PRDM11: variants seen among roughly 807,000 people sequenced by gnomAD.
The protein encoded by PRDM11 is PR/SET domain 11, also known as PR domain-containing protein 11.
Under a neutral mutation model 97.8 loss-of-function variants are expected in PRDM11, and 20 were observed. The observed-to-expected ratio is 0.20, with a 90% confidence interval of 0.14 to 0.30. PRDM11 has a LOEUF of 0.30. PRDM11 is among the 10% of genes least tolerant of loss of function. The pLI is 1.00. For missense variants in PRDM11, 1,139 were observed against 1,555.2 expected, an observed-to-expected ratio of 0.73 and a Z score of 4.50; for synonymous variants, 599 against 637.7, an observed-to-expected ratio of 0.94 and a Z score of 0.91.
chr11:45,124,921 C>T (rs1232331706), intron 1 of PRDM11, among the ~76,000 whole-genome samples: 5 of 152,096 alleles, frequency 3.3e-5, no homozygotes, highest in African/African-American at 9.7e-5. Context: ...ATGGTACCAG[C>T]TCCTCCTTGT....
intron 1 of PRDM11, among the ~76,000 whole-genome samples, chr11:45,126,522 G>C (rs1027848743): frequency 2.0e-5 from 3 of 151,996 alleles, no homozygotes; most frequent in Admixed American, 2.0e-4. Context: ...GCTCTTTTAC[G>C]GCAGGCCTGG....
intron 1 of PRDM11, among the ~76,000 whole-genome samples, chr11:45,162,085 T>C (rs1353721546): frequency 6.6e-6 from 1 of 152,086 alleles, no homozygotes; most frequent in Non-Finnish European, 1.5e-5. Context: ...AGCACAGAGG[T>C]TTGGGATTAT....
chr11:45,194,181 A>G (rs1853017181), intron 4 of PRDM11, among the ~76,000 whole-genome samples: 1 of 152,218 alleles, frequency 6.6e-6, no homozygotes. Flanking sequence ...CACCTCAGCC[A>G]TAAATGCAGT....
chr11:45,094,367 C>A (rs1851855411), upstream of PRDM11, among the ~76,000 whole-genome samples: 1 of 151,842 alleles, frequency 6.6e-6, no homozygotes, highest in Non-Finnish European at 1.5e-5. Context: ...ACCCAGGCTG[C>A]CCCTGAATGT....
At chr11:45,195,136 C>T (rs753474785) in intron 4 of PRDM11, among the ~76,000 whole-genome samples, 2 of 151,944 alleles carry the variant, frequency 1.3e-5, no homozygotes, top group African/African-American at 4.8e-5. Flanking sequence ...ATATGTAGGA[C>T]GTAAGATCGT....
At chr11:45,142,316 ACTTCATAGAACAAGC>A (rs1211036041), upstream of PRDM11, among the ~76,000 whole-genome samples, 1 of 152,080 alleles carries the variant, frequency 6.6e-6, no homozygotes, top group Non-Finnish European at 1.5e-5. Flanking sequence ...GCCTTCTGCC[ACTTCATAGAACAAGC>A]CAATTCCATC....
intron 4 of PRDM11, among the ~76,000 whole-genome samples, chr11:45,184,267 T>A (rs1852622367): frequency 6.6e-6 from 1 of 152,232 alleles, no homozygotes; most frequent in African/African-American, 2.4e-5. Flanking sequence ...CTTGATTTTG[T>A]AGGGCCCAGT....
rs1406967429 is a variant in PRDM11 at position 45,226,230 on chromosome 11, C to T, written c.1605C>T (p.Tyr535=). ...NEMWCHVCRQ[Y]TVQSSRTSAF... Reference sequence around the variant, plus strand: ...TGTGGTGCCACGTCTGCCGCCAGTACACGGTGCAGTCCTCACGCACCTCGG... The same window carrying T: ...TGTGGTGCCACGTCTGCCGCCAGTATACGGTGCAGTCCTCACGCACCTCGG... Residue 535 remains tyrosine, a synonymous_variant, in exon 8 of 8, where the codon TAC becomes TAT. Coordinates refer to ENST00000683152, the MANE Select transcript of PRDM11 (RefSeq NM_001384648.1). 1.5e-5 allele frequency: 23 copies of T among 1,533,902 alleles called. No individual in the cohort carries two copies. The highest frequency in any genetic ancestry group is 2.7e-5 in the African/African-American group (2 of 72,998).
rs372181707 is a variant in PRDM11 at position 45,158,471 on chromosome 11, G to A, written c.-7+11594G>A. The stretch of plus-strand genomic sequence containing the variant: ...CCAGCTGCCTGGGGTCCTACAGAAC[G>A]GGGCTGGGCAGGCATTCTTCTCTGT... On this transcript the variant is annotated intron_variant, in intron 1 of 7. Transcript: ENST00000683152. 5.9e-5 allele frequency among the ~76,000 whole-genome samples: 9 copies of A among 152,346 alleles called. No individual in the cohort carries two copies. The East Asian group carries it at 7.7e-4, about 13-fold the overall frequency.
intron 1 of PRDM11, among the ~76,000 whole-genome samples, chr11:45,166,372 C>T (rs527622806): frequency 6.6e-5 from 10 of 152,276 alleles, no homozygotes; most frequent in African/African-American, 2.4e-4. Context: ...CAGCAGAGTC[C>T]CCCAGAGCCC....
At chr11:45,142,836 C>T (rs1241069606), upstream of PRDM11, among the ~76,000 whole-genome samples, 1 of 152,164 alleles carries the variant, frequency 6.6e-6, no homozygotes, top group African/African-American at 2.4e-5. Flanking sequence ...CTGTGGAATC[C>T]AGGTCCCTTC....
intron 5 of PRDM11, chr11:45,212,852 A>T (rs574686804): frequency 4.5e-6 from 2 of 444,252 alleles, no homozygotes; most frequent in Non-Finnish European, 9.1e-6. Context: ...TGTCGGTCAG[A>T]TGTGCCAGAC....
chr11:45,205,446 G>C (rs745654774), intron 5 of PRDM11, among the ~76,000 whole-genome samples: 2 of 152,210 alleles, frequency 1.3e-5, no homozygotes, highest in Non-Finnish European at 2.9e-5. Context: ...TCTGCCTGGT[G>C]GGGTTTGTGG....
At chr11:45,187,137 G>A (rs1224365146) in intron 4 of PRDM11, among the ~76,000 whole-genome samples, 1 of 152,170 alleles carries the variant, frequency 6.6e-6, no homozygotes, top group African/African-American at 2.4e-5. Flanking sequence ...GGATAGGAGG[G>A]GAGGAAGCTT....
rs528199799 is a variant in PRDM11 at position 45,177,551 on chromosome 11, C to T, written c.-6-4210C>T. Among the ~76,000 whole-genome samples, 3 of 152,324 alleles carry T rather than the reference C, an allele frequency of 2.0e-5. No individual in the cohort carries two copies. The South Asian group carries it at 6.2e-4, about 32-fold the overall frequency. Reference sequence around the variant, plus strand: ...TCCTGCCACATCCCATCTTCTCCCTCCCTGTCCCTATGGCCTTTATCACAA... The same window carrying T: ...TCCTGCCACATCCCATCTTCTCCCTTCCTGTCCCTATGGCCTTTATCACAA... On this transcript the variant is annotated intron_variant, in intron 1 of 7. Transcript: ENST00000683152.
At chr11:45,181,924 G>A (rs1406421791) in intron 2 of PRDM11, 39 bp downstream of exon 2, 3 of 1,575,664 alleles carry the variant, frequency 1.9e-6, no homozygotes, top group Admixed American at 3.4e-5. Context: ...GGAGAAGTGG[G>A]AGTGGGAGGT....
chr11:45,112,905 TG>T (rs2135609875), intron 1 of PRDM11, among the ~76,000 whole-genome samples: 1 of 152,346 alleles, frequency 6.6e-6, no homozygotes, highest in Admixed American at 6.5e-5. Context: ...GTGGGTTGTT[TG>T]TTTACTCTGC....
chr11:45,210,719 T>C (rs1408160965), intron 5 of PRDM11, among the ~76,000 whole-genome samples: 1 of 152,212 alleles, frequency 6.6e-6, no homozygotes, highest in Non-Finnish European at 1.5e-5. Flanking sequence ...GAAAAGAACA[T>C]GGAGACCATT....
rs116417374 is a variant in PRDM11, at chr11:45,103,562, G to A, written c.96+7661G>A. ...ACCAGGAAAAATAACCCAAACTTAA[G>A]TGTTAACCTTTGGCAGGGTATTGAC... On this transcript the variant is annotated intron_variant, in intron 1 of 6. Coordinates refer to the PRDM11 transcript ENST00000530656. Among the ~76,000 whole-genome samples the A allele has an allele frequency of 3.1e-3, 470 of 152,082 alleles. 5 individuals carry two copies. Among genetic ancestry groups the A allele is most frequent in the African/African-American group, 0.01 (433 of 41,496 alleles).
Sources: allele counts gnomAD v4.1 joint callset (sites outside exome capture counted in the v4.1 genomes callset), GRCh38; gene constraint gnomAD v4.1.1; transcripts MANE v1.5; gene names NCBI Gene and HGNC (gene_info 2026-07-23, HGNC 2026-07-21).